The following LUZP2 variants were observed in gnomAD, a reference collection of about 807,000 sequenced individuals.
LUZP2 encodes the protein leucine zipper protein 2.
LUZP2 carries 52 observed loss-of-function variants against 51.6 expected under a neutral mutation model. That is an observed-to-expected ratio of 1.01 (90% CI 0.81 to 1.27). The LOEUF is 1.27. LUZP2 is among the 50% of genes most tolerant of loss of function. LUZP2 has a pLI of 0.00. For synonymous variants in LUZP2, 154 were observed against 137.3 expected, an observed-to-expected ratio of 1.12 and a Z score of -0.85; for missense variants, 436 against 395.4, an observed-to-expected ratio of 1.10 and a Z score of -0.87.
intron 7 of LUZP2, among the ~76,000 whole-genome samples, chr11:24,963,359 C>T (rs545367494): frequency 7.2e-4 from 109 of 152,302 alleles, no homozygotes; most frequent in African/African-American, 2.5e-3. Context: ...CTGTGCCCTG[C>T]CCCCAGAGGT....
chr11:25,036,983 G>A lies in LUZP2; in HGVS notation c.766-13055G>A, dbSNP rs145472658. Among the ~76,000 whole-genome samples the A allele has an allele frequency of 2.2e-3, 336 of 151,584 alleles. 1 individual carries two copies. Among genetic ancestry groups the A allele is most frequent in the African/African-American group, 7.7e-3 (317 of 41,292 alleles). On this transcript the variant is annotated intron_variant, in intron 9 of 11. Transcript: ENST00000336930. ...GTCTATTAGGTCTAATTAGACAAGC[G>A]TCAAGTTTTAGACTAGAATCTCTTT... is the stretch of plus-strand genomic sequence containing the variant.
rs184219910 is a variant in LUZP2 at position 24,559,946 on chromosome 11, T to C, written c.62+62641T>C. ...CCTTTAGGCTGACTCTTTAGGGAGGTAGATAAATCACACACTGGGACCTGT... is the reference window on the plus strand; with the variant it reads ...CCTTTAGGCTGACTCTTTAGGGAGGCAGATAAATCACACACTGGGACCTGT... On this transcript the variant is annotated intron_variant, in intron 1 of 11. Coordinates refer to ENST00000336930, the MANE Select transcript of LUZP2 (RefSeq NM_001009909.4). Among the ~76,000 whole-genome samples, 4 of 151,884 alleles carry C rather than the reference T, an allele frequency of 2.6e-5. No individual in the cohort carries two copies. The Middle Eastern group carries it at 0.01, about 390-fold the overall frequency.
At chr11:24,605,711 G>C (rs1327980410) in intron 1 of LUZP2, among the ~76,000 whole-genome samples, 1 of 151,712 alleles carries the variant, frequency 6.6e-6, no homozygotes, top group Admixed American at 6.6e-5. Flanking sequence ...CCACAATCAA[G>C]ATAATTAAAA....
At chr11:25,008,687 C>T (rs976199373) in intron 9 of LUZP2, among the ~76,000 whole-genome samples, 11 of 152,024 alleles carry the variant, frequency 7.2e-5, no homozygotes, top group Non-Finnish European at 1.5e-4. Flanking sequence ...TATGTGGACA[C>T]GAGAGTAAGT....
At chr11:25,005,651 A>G (rs558104155) in intron 9 of LUZP2, among the ~76,000 whole-genome samples, 1 of 152,204 alleles carries the variant, frequency 6.6e-6, no homozygotes, top group Non-Finnish European at 1.5e-5. Context: ...AGAACCCGCA[A>G]TGGTCCCTGG....
chr11:24,630,808 G>A (rs957799641), intron 1 of LUZP2, among the ~76,000 whole-genome samples: 6 of 151,300 alleles, frequency 4.0e-5, no homozygotes. Context: ...ATTTTAATAA[G>A]ATTGTTTCTT....
At position 25,080,876 on chromosome 11, in the gene LUZP2, T is replaced by C. The variant is rs1859441198; in HGVS notation, c.*2218T>C. 1 of 152,144 alleles carries C rather than the reference T, an allele frequency of 6.6e-6. No homozygotes were observed. The highest frequency in any genetic ancestry group is 1.5e-5 in the Non-Finnish European group (1 of 68,016). 9.4% of individuals were successfully genotyped at this position (152,144 alleles called of 1,614,324 possible). On this transcript the variant is annotated 3_prime_UTR_variant, in exon 12 of 12. Transcript: ENST00000336930. The stretch of plus-strand genomic sequence containing the variant: ...AGAATCAGGCTGTTATTTCCTGAAA[T>C]TGTTATGAGAGATAACATGTTGAAA...
chr11:24,687,707 A>G (rs1032410588), intron 1 of LUZP2, among the ~76,000 whole-genome samples: 1 of 152,156 alleles, frequency 6.6e-6, no homozygotes, highest in Non-Finnish European at 1.5e-5. Flanking sequence ...ATTTCCTGGC[A>G]TCATTGACTT....
chr11:24,641,126 G>A (rs1015007485), intron 1 of LUZP2, among the ~76,000 whole-genome samples: 1 of 151,190 alleles, frequency 6.6e-6, no homozygotes, highest in Non-Finnish European at 1.5e-5. Context: ...TTTTGCCCAG[G>A]TTAGTCTCAA....
intron 9 of LUZP2, among the ~76,000 whole-genome samples, chr11:25,047,571 T>C (rs1480986313): frequency 1.3e-5 from 2 of 150,668 alleles, no homozygotes; most frequent in South Asian, 2.1e-4. Context: ...CTATATTACA[T>C]AGAATTCTTC....
intron 4 of LUZP2, among the ~76,000 whole-genome samples, chr11:24,750,491 TA>T (rs1300535012): frequency 6.6e-6 from 1 of 152,226 alleles, no homozygotes; most frequent in African/African-American, 2.4e-5. Flanking sequence ...CAGCTGATGT[TA>T]AACAAATTAA....
intron 5 of LUZP2, among the ~76,000 whole-genome samples, chr11:24,868,830 A>T (rs1274558028): frequency 2.0e-5 from 3 of 152,138 alleles, no homozygotes; most frequent in Non-Finnish European, 2.9e-5. Context: ...TCCCAAGCAC[A>T]TTTACATAAT....
At chr11:24,931,209 CAAAATAAAATAAAATAAAAT>C (rs199869184) in intron 7 of LUZP2, among the ~76,000 whole-genome samples, 46,453 of 134,848 alleles carry the variant, frequency 0.34, 9,475 homozygotes, top group East Asian at 0.69. Flanking sequence ...GACTCTGTCT[CAAAATAAAATAAAATAAAAT>C]AAAATAAAAT....
At chr11:24,840,793 A>C (rs1851005401) in intron 5 of LUZP2, among the ~76,000 whole-genome samples, 1 of 151,986 alleles carries the variant, frequency 6.6e-6, no homozygotes, top group Non-Finnish European at 1.5e-5. Flanking sequence ...TATTTAGGTC[A>C]AGCCTCATTT....
At chr11:24,604,973 A>G (rs1853867263) in intron 1 of LUZP2, among the ~76,000 whole-genome samples, 1 of 151,828 alleles carries the variant, frequency 6.6e-6, no homozygotes, top group South Asian at 2.1e-4. Context: ...AAATTCCATC[A>G]TGATCAAGCT....
At chr11:24,721,995 A>G (rs961292997) in intron 1 of LUZP2, among the ~76,000 whole-genome samples, 2 of 152,196 alleles carry the variant, frequency 1.3e-5, no homozygotes, top group African/African-American at 4.8e-5. Context: ...TTTTTATTGA[A>G]AAAATTTATT....
In LUZP2 at chr11:24,535,959, A is replaced by G. The variant is rs376772838; in HGVS notation, c.62+38654A>G. Among the ~76,000 whole-genome samples the G allele has an allele frequency of 1.5e-4, 23 of 151,708 alleles. No homozygotes were observed. The East Asian group carries it at 1.9e-3, about 13-fold the overall frequency. ...AAAATTACTCCTTGATCCCTGGGCT[A>G]TAGGATGAACGTTGTGTTAGCAGAC... On this transcript the variant is annotated intron_variant, in intron 1 of 11. Transcript: ENST00000336930.
At chr11:24,964,553 A>T (rs1855526871) in intron 7 of LUZP2, among the ~76,000 whole-genome samples, 1 of 152,144 alleles carries the variant, frequency 6.6e-6, no homozygotes, top group Non-Finnish European at 1.5e-5. Context: ...AGCTGATAAT[A>T]TCTGCCTAAG....
intron 5 of LUZP2, among the ~76,000 whole-genome samples, chr11:24,873,311 A>G (rs1430396138): frequency 2.0e-5 from 3 of 152,184 alleles, no homozygotes; most frequent in Non-Finnish European, 4.4e-5. Flanking sequence ...TATTTTTCAA[A>G]TTTTTGAAAT....
Sources: allele counts gnomAD v4.1 joint callset (sites outside exome capture counted in the v4.1 genomes callset), GRCh38; gene constraint gnomAD v4.1.1; transcripts MANE v1.5; gene names NCBI Gene and HGNC (gene_info 2026-07-23, HGNC 2026-07-21).